The following GRIK3 variants were observed in gnomAD, a reference collection of about 807,000 sequenced individuals.
GRIK3 encodes the protein glutamate ionotropic receptor kainate type subunit 3, also known as glutamate receptor ionotropic, kainate 3.
GRIK3 carries 29 observed loss-of-function variants against 102.5 expected under a neutral mutation model. The ratio of observed to expected loss-of-function variants is 0.28; its 90% CI spans 0.21 to 0.39. The LOEUF is 0.39. Ranked by LOEUF, GRIK3 falls within the 10% of genes least tolerant of loss-of-function variation. The pLI, the probability that GRIK3 is intolerant of heterozygous loss-of-function variation, is 1.00. For synonymous variants in GRIK3, 511 were observed against 504.9 expected (o/e 1.01, Z -0.16); for missense variants, 908 against 1,252.4 (o/e 0.73, Z 4.15).
At chr1:36,859,450 C>T (rs564665109) in intron 6 of GRIK3, among the ~76,000 whole-genome samples, 199 bp from the exon 7 acceptor site, 4 of 152,286 alleles carry the variant, frequency 2.6e-5, no homozygotes, top group African/African-American at 7.2e-5. Context: ...CTACAAACAT[C>T]CTGAGCACCC....
At chr1:36,862,817 GC>G (rs781166090) in intron 5 of GRIK3, among the ~76,000 whole-genome samples, 50 of 152,290 alleles carry the variant, frequency 3.3e-4, no homozygotes, top group South Asian at 1.2e-3. Context: ...GTTTGTAGAT[GC>G]CCTTAGAACA....
chr1:37,024,370 C>T (rs567684640), intron 1 of GRIK3, among the ~76,000 whole-genome samples: 1 of 152,146 alleles, frequency 6.6e-6, no homozygotes, highest in South Asian at 2.1e-4. Context: ...TGAGTGCTTA[C>T]CACGGCTGTG....
chr1:36,891,147 T>A, intron 1 of GRIK3, 51 bp from the exon 2 acceptor site: 1 of 1,392,172 alleles, frequency 7.2e-7, no homozygotes, highest in Non-Finnish European at 1.0e-6. Context: ...GATGGGGCTC[T>A]AGCAAGGATG....
chr1:36,949,204 T>C (rs16823702), intron 1 of GRIK3, among the ~76,000 whole-genome samples: 21,688 of 152,268 alleles, frequency 0.14, 1,882 homozygotes, highest in African/African-American at 0.22. Context: ...ACCTGGTTCC[T>C]TTCTCAACTT....
In GRIK3 at chr1:36,806,915, G is replaced by C. The variant is rs1374172009; in HGVS notation, c.2092-589C>G. On this transcript the variant is annotated intron_variant, in intron 13 of 15. Transcript: ENST00000373091. This position sits in a 1 kb window ranked among gnomAD's most constrained non-coding sequence, Gnocchi z 4.0. The stretch of plus-strand genomic sequence containing the variant: ...GGAGGGGGAGAGACAGCTGCTCATC[G>C]GGGCAAAGCTGAGTGGGTCCTGGGC... Among the ~76,000 whole-genome samples the C allele has an allele frequency of 2.0e-5, 3 of 152,166 alleles. No individual in the cohort carries two copies. The highest frequency in any genetic ancestry group is 6.5e-5 in the Admixed American group (1 of 15,286).
chr1:36,983,154 C>T (rs1285914002), intron 1 of GRIK3, among the ~76,000 whole-genome samples: 1 of 152,162 alleles, frequency 6.6e-6, no homozygotes, highest in Non-Finnish European at 1.5e-5. Context: ...GCGGAGTCTT[C>T]CCGACACCGA....
chr1:36,841,611 T>C, intron 10 of GRIK3, 125 bp downstream of exon 10: 2 of 786,430 alleles, frequency 2.5e-6, no homozygotes, highest in Non-Finnish European at 4.3e-6. Flanking sequence ...GGTTGCAGCA[T>C]TCATCTCCAT....
intron 1 of GRIK3, among the ~76,000 whole-genome samples, chr1:36,968,220 CGTGTGTGTGTGTGTGTGT>C (rs66480824): frequency 5.4e-4 from 76 of 141,152 alleles, no homozygotes; most frequent in African/African-American, 1.7e-3. Context: ...TCTCTCTCTC[CGTGTGTGTGTGTGTGTGT>C]GTGTGTGTGT....
chr1:36,884,060 G>A (rs1464271157), intron 2 of GRIK3, among the ~76,000 whole-genome samples: 1 of 152,194 alleles, frequency 6.6e-6, no homozygotes, highest in Non-Finnish European at 1.5e-5. Context: ...CAGCAGCAGT[G>A]CCAGTACAGA....
At chr1:37,017,803 A>C (rs922906201) in intron 1 of GRIK3, among the ~76,000 whole-genome samples, 1 of 152,144 alleles carries the variant, frequency 6.6e-6, no homozygotes, top group African/African-American at 2.4e-5. Flanking sequence ...ACGGTTGTCT[A>C]AGTTGTTTTT....
chr1:37,018,845 T>A (rs1334218771), intron 1 of GRIK3, among the ~76,000 whole-genome samples: 1 of 152,158 alleles, frequency 6.6e-6, no homozygotes, highest in African/African-American at 2.4e-5. Context: ...AACTCCAATT[T>A]TTTTAAAAAA....
chr1:37,017,337 C>T (rs1254362135), intron 1 of GRIK3, among the ~76,000 whole-genome samples: 1 of 128,876 alleles, frequency 7.8e-6, no homozygotes, highest in East Asian at 2.1e-4. Flanking sequence ...AGTTTGAGAC[C>T]AGCCTGGGCA....
intron 1 of GRIK3, among the ~76,000 whole-genome samples, chr1:36,941,440 CAG>C (rs1189816357): frequency 6.6e-6 from 1 of 152,174 alleles, no homozygotes; most frequent in African/African-American, 2.4e-5. Flanking sequence ...GGGAATCAAA[CAG>C]AAGCCCAGAG....
Position 36,805,012 on chromosome 1 carries a change from A to C in GRIK3, c.2540T>G (p.Leu847Arg), listed in dbSNP as rs1557686643. 1.2e-6 allele frequency: 2 copies of C among 1,614,122 alleles called. No homozygotes were observed. The highest frequency in any genetic ancestry group is 1.7e-6 in the Non-Finnish European group (2 of 1,180,022). Residue 847 changes from leucine (L) to arginine (R), a missense_variant, in exon 15 of 16, where the codon CTC (leucine) becomes CGC (arginine). Leu to Arg is a moderately radical substitution (Grantham distance 102). Around this residue, in one of 3 missense-constraint regions of GRIK3, gnomAD observed 297 missense variants for 362.7 expected, o/e 0.82. Transcript: ENST00000373091. ...LVAVGEFVYK[L>R]RKTAEREQRS... is the part of the protein sequence containing the mutation. ...CTGCTCTCTCTCTGCTGTTTTGCGGAGCTTGTACACAAACTCGCCCACGGC... is the reference window on the plus strand; with the variant it reads ...CTGCTCTCTCTCTGCTGTTTTGCGGCGCTTGTACACAAACTCGCCCACGGC...
chr1:37,016,940 C>A (rs138787241), intron 1 of GRIK3, among the ~76,000 whole-genome samples: 2 of 152,034 alleles, frequency 1.3e-5, no homozygotes, highest in African/African-American at 4.8e-5. Context: ...GAGGGCCAGG[C>A]GCGGTGGCTC....
intron 7 of GRIK3, among the ~76,000 whole-genome samples, chr1:36,857,772 TCAA>T (rs1191361116): frequency 1.3e-5 from 2 of 152,350 alleles, no homozygotes; most frequent in Admixed American, 6.5e-5. Context: ...CTGCCCTCCC[TCAA>T]CCCCCATCCA....
rs745894431 is a variant in GRIK3, at chr1:36,817,158, G to A, written c.1993C>T (p.Arg665Cys). 4 of 1,613,994 alleles carry A rather than the reference G, an allele frequency of 2.5e-6. No individual in the cohort carries two copies. Among genetic ancestry groups the A allele is most frequent in the African/African-American group, 2.7e-5 (2 of 75,004 alleles). ...ANLAAFLTVE[R>C]MESPIDSADD... Reference sequence around the variant, plus strand: ...GCAGAGTCAATGGGTGATTCCATGCGCTCCACGGTCAGAAAGGCAGCCAGG... The same window carrying A: ...GCAGAGTCAATGGGTGATTCCATGCACTCCACGGTCAGAAAGGCAGCCAGG... Residue 665 changes from arginine (R) to cysteine (C), a missense_variant, in exon 13 of 16, where the codon CGC becomes TGC. Physicochemically the swap from Arg to Cys is radical, Grantham distance 180 (BLOSUM62 -3). Coordinates refer to ENST00000373091, the MANE Select transcript of GRIK3 (RefSeq NM_000831.4).
chr1:36,903,517 G>A (rs1641253446), intron 1 of GRIK3, among the ~76,000 whole-genome samples: 3 of 152,248 alleles, frequency 2.0e-5, no homozygotes, highest in Admixed American at 2.0e-4. Flanking sequence ...CCTGCACATG[G>A]ATGTGTATAG....
intron 1 of GRIK3, among the ~76,000 whole-genome samples, chr1:36,919,338 A>AATTTT (rs59601847): frequency 0.74 from 106,098 of 143,522 alleles, 41,756 homozygotes; most frequent in Non-Finnish European, 0.86. Context: ...GCTTTTTTAA[A>AATTTT]ATTTTATTTT....
Sources: allele counts gnomAD v4.1 joint callset (sites outside exome capture counted in the v4.1 genomes callset), GRCh38; gene constraint gnomAD v4.1.1; regional missense constraint gnomAD v4.1.1; non-coding constraint Gnocchi (gnomAD v3.1); transcripts MANE v1.5; gene names NCBI Gene and HGNC (gene_info 2026-07-23, HGNC 2026-07-21).